COL4A5: variants seen among roughly 807,000 people sequenced by gnomAD.
COL4A5 encodes collagen alpha-5(IV) chain.
Under a neutral mutation model 130.2 loss-of-function variants are expected in COL4A5, and 26 were observed. The observed-to-expected ratio is 0.20, with a 90% confidence interval of 0.15 to 0.28. The LOEUF (loss-of-function observed/expected upper bound fraction) is 0.28. Ranked by LOEUF, COL4A5 falls within the 10% of genes least tolerant of loss-of-function variation. The pLI, the probability that COL4A5 is intolerant of heterozygous loss-of-function variation, is 1.00. For synonymous variants in COL4A5, 496 were observed against 439.6 expected (o/e 1.13, Z -1.60); for missense variants, 1,131 against 1,344.3 (o/e 0.84, Z 2.48).
chrX:108,512,321 C>T (rs2147593029), intron 1 of COL4A5, among the ~76,000 whole-genome samples: 1 of 111,245 alleles, frequency 9.0e-6, no homozygotes, highest in African/African-American at 3.3e-5. Context: ...TATGTACCAC[C>T]TAAGGCATAC....
At chrX:108,665,795 A>T (rs758792394) in intron 38 of COL4A5, among the ~76,000 whole-genome samples, 1 of 112,466 alleles carries the variant, frequency 8.9e-6, no homozygotes, top group East Asian at 2.8e-4. Flanking sequence ...TCACGCCTGT[A>T]ATCCCAACAT....
At chrX:108,594,824 A>T (rs1325865614) in intron 21 of COL4A5, among the ~76,000 whole-genome samples, 5 of 110,222 alleles carry the variant, frequency 4.5e-5, no homozygotes, top group African/African-American at 6.6e-5. Flanking sequence ...TTTTTCCTAT[A>T]AAAATAATAT....
chrX:108,627,076 TA>T (rs1339805340), intron 36 of COL4A5: 1 of 650,183 alleles, frequency 1.5e-6, no homozygotes, highest in Admixed American at 9.0e-5. Flanking sequence ...TAATATTATA[TA>T]AAAATACTTT....
chrX:108,569,796 C>T (rs764596824), intron 6 of COL4A5, among the ~76,000 whole-genome samples: 2 of 110,699 alleles, frequency 1.8e-5, no homozygotes, highest in East Asian at 5.7e-4. Flanking sequence ...TCTCCTGCCT[C>T]AGCCTCCTGA....
At chrX:108,689,311 C>G (rs1172474013) in intron 49 of COL4A5, 1 of 744,342 alleles carries the variant, frequency 1.3e-6, no homozygotes, top group African/African-American at 2.3e-5. Flanking sequence ...TCTCTCTACA[C>G]TGTCAGACTT....
chrX:108,689,853 A>G (rs1006121602), intron 49 of COL4A5: 2 of 752,536 alleles, frequency 2.7e-6, no homozygotes, highest in South Asian at 6.8e-5. Context: ...TCTTATAACT[A>G]TGGGGTATAG....
intron 37 of COL4A5, among the ~76,000 whole-genome samples, chrX:108,661,512 T>C (rs991663626): frequency 5.9e-4 from 66 of 111,999 alleles, no homozygotes; most frequent in African/African-American, 2.1e-3. Flanking sequence ...CTTTAACATA[T>C]TTATTATAGC....
At chrX:108,513,728 A>G (rs957796601) in intron 1 of COL4A5, among the ~76,000 whole-genome samples, 1 of 111,608 alleles carries the variant, frequency 9.0e-6, no homozygotes, top group Non-Finnish European at 1.9e-5. Flanking sequence ...TGAGTTATTT[A>G]TCCACTTTTT....
rs935507832 is a variant in COL4A5, at chrX:108,601,455, C to A, written c.2011C>A (p.Pro671Thr). 2.5e-6 allele frequency: 3 copies of A among 1,203,811 alleles called. No individual in the cohort carries two copies. Among genetic ancestry groups the A allele is most frequent in the Non-Finnish European group, 3.4e-6 (3 of 892,246 alleles). ...GGGGAAGCCTGGCTTGCCTGGTAAC[C>A]CAGGCAGAGATGGTGATGTAGGTCT... Reference protein sequence around the residue: ...QPGKPGLPGNPGRDGDVGLPG... With the variant: ...QPGKPGLPGNTGRDGDVGLPG... Residue 671 changes from proline (P) to threonine (T), a missense_variant, in exon 26 of 53, where the codon CCA becomes ACA. Pro to Thr is a conservative substitution (Grantham distance 38). Transcript: ENST00000328300.
intron 1 of COL4A5, among the ~76,000 whole-genome samples, chrX:108,456,941 C>T (rs975759208): frequency 9.0e-6 from 1 of 111,440 alleles, no homozygotes; most frequent in Non-Finnish European, 1.9e-5. Flanking sequence ...TCCTCACTTC[C>T]CAGTTACATT....
chrX:108,652,670 A>G (rs1392630767), intron 36 of COL4A5, among the ~76,000 whole-genome samples: 2 of 112,321 alleles, frequency 1.8e-5, no homozygotes, highest in Non-Finnish European at 3.8e-5. Flanking sequence ...TTACTAGGAC[A>G]TAGTAGAGAT....
intron 1 of COL4A5, among the ~76,000 whole-genome samples, chrX:108,536,600 G>A (rs982283855): frequency 9.0e-6 from 1 of 110,980 alleles, no homozygotes; most frequent in African/African-American, 3.3e-5. Flanking sequence ...GCTTAGCATG[G>A]CAATTTTTCC....
intron 27 of COL4A5, among the ~76,000 whole-genome samples, chrX:108,602,607 C>A (rs1251530482): frequency 9.0e-6 from 1 of 111,537 alleles, no homozygotes; most frequent in Non-Finnish European, 1.9e-5. Flanking sequence ...AGATCATTTC[C>A]AAAATTATAT....
intron 29 of COL4A5, among the ~76,000 whole-genome samples, chrX:108,608,557 T>C (rs753675602): frequency 4.6e-4 from 51 of 111,419 alleles, no homozygotes; most frequent in Non-Finnish European, 7.2e-4. Flanking sequence ...TCATCTATTT[T>C]TGATGCATAT....
intron 1 of COL4A5, among the ~76,000 whole-genome samples, chrX:108,455,800 CA>C (rs1273630228): frequency 9.0e-6 from 1 of 111,264 alleles, no homozygotes; most frequent in Non-Finnish European, 1.9e-5. Context: ...TGTGTATATG[CA>C]GGTGTAGGTT....
At chrX:108,477,120 C>A (rs1197946351) in intron 1 of COL4A5, among the ~76,000 whole-genome samples, 2 of 111,217 alleles carry the variant, frequency 1.8e-5, no homozygotes, top group Non-Finnish European at 3.8e-5. Flanking sequence ...ATCTGCCTTC[C>A]CCAGCCCACT....
chrX:108,606,006 TTATCG>T (rs1451422829), intron 28 of COL4A5, among the ~76,000 whole-genome samples: 1 of 112,010 alleles, frequency 8.9e-6, no homozygotes, highest in Non-Finnish European at 1.9e-5. Flanking sequence ...TGGCATGTAA[TTATCG>T]TGACTATTTT....
chrX:108,591,707 C>T, intron 21 of COL4A5, 63 bp downstream of exon 21: 1 of 901,603 alleles, frequency 1.1e-6, no homozygotes, highest in Non-Finnish European at 1.6e-6. Flanking sequence ...TCAGCAAAAT[C>T]CCCTGTATCC....
At chrX:108,584,124 C>G (rs1022462170) in intron 17 of COL4A5, among the ~76,000 whole-genome samples, 1 of 106,246 alleles carries the variant, frequency 9.4e-6, no homozygotes, top group Admixed American at 1.0e-4. Flanking sequence ...CTAGTGCTAC[C>G]ATTTTTTTTC....
Sources: gnomAD v4.1 joint callset for allele counts (sites outside exome capture counted in the v4.1 genomes callset) on GRCh38, gnomAD v4.1.1 for gene constraint, MANE v1.5 for transcripts, NCBI Gene and HGNC (gene_info 2026-07-23, HGNC 2026-07-21) for gene names.